DDX41: variants seen among roughly 807,000 people sequenced by gnomAD.
The protein encoded by DDX41 is probable ATP-dependent RNA helicase DDX41.
DDX41 carries 50 observed loss-of-function variants against 78.8 expected under a neutral mutation model. The observed-to-expected ratio is 0.63, with a 90% CI of 0.51 to 0.80. The LOEUF is 0.80. Among genes scored for constraint, DDX41 ranks in the 30% least tolerant of loss-of-function variants. The probability of loss-of-function intolerance (pLI) is 0.00; values close to 1 mark genes in which losing one functional copy is unlikely to be tolerated. For missense variants in DDX41, 633 were observed against 849.2 expected (o/e 0.75, Z 3.16); for synonymous variants, 381 against 321.5 (o/e 1.19, Z -1.98).
intron 2 of DDX41, 103 bp from the exon 3 acceptor site, chr5:177,516,550 A>G (rs780609729): frequency 3.2e-5 from 48 of 1,487,952 alleles, no homozygotes; most frequent in Non-Finnish European, 4.3e-5. Flanking sequence ...CGAGGCGCAA[A>G]GCTGCCCTAC....
At position 177,514,130 on chromosome 5, in the gene DDX41, G is replaced by A. The variant is rs894908260; in HGVS notation, c.936-283C>T. ...TCAAGCTCCAGAGGCTTTACTCTGG[G>A]CTCGCTTTCCTGGCCCACTGGCTTC... On this transcript the variant is annotated intron_variant, in intron 9 of 16. Coordinates refer to ENST00000330503, the MANE Select transcript of DDX41 (RefSeq NM_016222.4). The surrounding 1 kb of genome is among the most constrained non-coding windows in gnomAD (Gnocchi z 4.2). 3.3e-5 allele frequency: 20 copies of A among 612,308 alleles called. 1 individual carries two copies. Among genetic ancestry groups the A allele is most frequent in the South Asian group, 2.0e-4 (13 of 65,968 alleles). 37.9% of individuals were successfully genotyped at this position (612,308 alleles called of 1,614,324 possible).
chr5:177,513,914 C>T lies in DDX41; in HGVS notation c.936-67G>A. On this transcript the variant is annotated intron_variant, in intron 9 of 16. Coordinates refer to ENST00000330503, the MANE Select transcript of DDX41 (RefSeq NM_016222.4). The surrounding 1 kb of genome is among the most constrained non-coding windows in gnomAD (Gnocchi z 4.6). ...TATCACCTATCTAGAGGCAAGCAGG[C>T]ACCCTGCATCTGCTCTGCTCTCTGT... 4 of 1,486,514 alleles carry T rather than the reference C, an allele frequency of 2.7e-6. No individual in the cohort carries two copies. Among genetic ancestry groups the T allele is most frequent in the Non-Finnish European group, 3.7e-6 (4 of 1,071,200 alleles). The allele number at this position is 1,486,514 out of a possible 1,614,324, so 92.1% of individuals were successfully genotyped here. A position where few individuals can be genotyped will look rare whatever the true frequency, so the allele number is the denominator to read the frequency against.
intron 4 of DDX41, 26 bp from the exon 5 acceptor site, chr5:177,516,015 C>T (rs1333376989): frequency 1.9e-6 from 3 of 1,614,078 alleles, no homozygotes; most frequent in African/African-American, 2.7e-5. Flanking sequence ...TGGCTCAGGG[C>T]TGGCTCCTGC....
Position 177,516,132 on chromosome 5 carries a change from A to G in DDX41, c.360T>C (p.Val120=). ...LKEEEKILES[V]AEGRALMSVK... ...CTACAACCATACCTCGGCCCTCGGC[A>G]ACACTCTCCAGGATCTTCTCTTCTT... Residue 120 remains valine (V), a synonymous_variant, in exon 4 of 17, where the codon GTT becomes GTC. Coordinates refer to ENST00000330503, the MANE Select transcript of DDX41 (RefSeq NM_016222.4). 1 of 1,614,014 alleles carries G rather than the reference A, an allele frequency of 6.2e-7. No homozygotes were observed. Among genetic ancestry groups the G allele is most frequent in the Non-Finnish European group, 8.5e-7 (1 of 1,180,030 alleles).
intron 1 of DDX41, 37 bp downstream of exon 1, chr5:177,516,882 C>T: frequency 1.2e-6 from 2 of 1,613,364 alleles, no homozygotes; most frequent in Non-Finnish European, 8.5e-7. Context: ...CTCTTCACGC[C>T]CGCTCCCACA....
In DDX41 at chr5:177,513,792, T is replaced by C; in HGVS notation, c.991A>G (p.Lys331Glu). The change falls in exon 10 of 17, where the codon AAG becomes GAG. Residue 331 changes from lysine (K) to glutamate (E), a missense_variant. By Grantham distance (56) the Lys-to-Glu change is moderately conservative. Coordinates refer to ENST00000330503, the MANE Select transcript of DDX41 (RefSeq NM_016222.4). This position sits in a 1 kb window ranked among gnomAD's most constrained non-coding sequence, Gnocchi z 4.6. ...PGRLMDLLQKKMVSLDICRYL... is the reference protein window; with the variant it reads ...PGRLMDLLQKEMVSLDICRYL... ...CGACAGATGTCTAGGCTGACCATCT[T>C]CTTCTGCAGCAAATCCATGAGGCGC... 1.2e-6 allele frequency: 2 copies of C among 1,613,802 alleles called. No individual in the cohort carries two copies. Among genetic ancestry groups the C allele is most frequent in the Non-Finnish European group, 1.7e-6 (2 of 1,180,010 alleles).
rs770220016 is a variant in DDX41 at position 177,511,828 on chromosome 5, C to T, written c.1832G>A (p.Arg611His). 9.3e-6 allele frequency: 15 copies of T among 1,614,016 alleles called. No individual in the cohort carries two copies. In the South Asian group the frequency reaches 1.1e-4, roughly 12 times the overall value. Residue 611 changes from arginine (R) to histidine (H), a missense_variant, in exon 17 of 17, where the codon CGC becomes CAC. By Grantham distance (29) the Arg-to-His change is conservative. Transcript: ENST00000330503. ...GGAGCTGTGGGCCAGGTAGTCCTTG[C>T]GACCGATGTTGCTGACCTGCTTGGT... ...MQTKQVSNIGRKDYLAHSSMD... is the reference protein window; with the variant it reads ...MQTKQVSNIGHKDYLAHSSMD...
rs1760954320 is a variant in DDX41, at chr5:177,511,769, G to A, written c.*22C>T. ...CAGTCTTGGGGACTGAGGCCTCTTG[G>A]AGAGAAGGGAAGACTGTCGGCTCAG... On this transcript the variant is annotated 3_prime_UTR_variant, in exon 17 of 17. Transcript: ENST00000330503. 5.0e-6 allele frequency: 8 copies of A among 1,613,512 alleles called. No homozygotes were observed. The highest frequency in any genetic ancestry group is 3.4e-6 in the Non-Finnish European group (4 of 1,179,650).
At position 177,513,399 on chromosome 5, in the gene DDX41, G is replaced by A; in HGVS notation, c.1184C>T (p.Thr395Ile). Residue 395 changes from threonine (T) to isoleucine (I), a missense_variant, in exon 11 of 17, where the codon ACC becomes ATC. Physicochemically the swap from Thr to Ile is moderately conservative, Grantham distance 89. This residue lies in a region of DDX41 where 185 missense variants were observed against 367.4 expected (regional missense o/e 0.50). Transcript: ENST00000330503. The surrounding 1 kb of genome is among the most constrained non-coding windows in gnomAD (Gnocchi z 4.6). ...AGCCCCAGCGCGCCCCACATTGATG[G>A]TCACAGGCTTTACAAGGGCACTCTT... The part of the protein sequence containing the change: ...FAKSALVKPV[T>I]INVGRAGAAS... 1 of 1,614,154 alleles carries A rather than the reference G, an allele frequency of 6.2e-7. No homozygotes were observed. Among genetic ancestry groups the A allele is most frequent in the Non-Finnish European group, 8.5e-7 (1 of 1,180,022 alleles).
At position 177,512,488 on chromosome 5, in the gene DDX41, G is replaced by A. The variant is rs145507265; in HGVS notation, c.1549+8C>T. ...CCTAACCCATGCCCTTGGGCCCCAG[G>A]CTCTTACCATAGTTCTCAATCTCCT... On this transcript the variant is annotated splice_region_variant and intron_variant, in intron 14 of 16. Transcript: ENST00000330503. The A allele has an allele frequency of 1.9e-3, 2,996 of 1,614,086 alleles. 56 individuals are homozygous for A. The African/African-American group carries it at 0.036, about 19-fold the overall frequency.
Position 177,511,929 on chromosome 5 carries a change from T to C in DDX41, c.1733-2A>G. ...CGCAGAAGGCACAGCCGCGCTCTCC[T>C]GGGGGAATGGGGACAGGGGTCAGCC... On this transcript the variant is annotated splice_acceptor_variant, in intron 16 of 16. Transcript: ENST00000330503. LOFTEE classifies it high-confidence loss of function. 3.1e-6 allele frequency: 5 copies of C among 1,613,666 alleles called. No homozygotes were observed. The highest frequency in any genetic ancestry group is 4.2e-6 in the Non-Finnish European group (5 of 1,180,000).
At position 177,512,593 on chromosome 5, in the gene DDX41, A is replaced by G. The variant is rs758224373; in HGVS notation, c.1452T>C (p.Asp484=). 1 of 1,614,152 alleles carries G rather than the reference A, an allele frequency of 6.2e-7. No individual in the cohort carries two copies. Among genetic ancestry groups the G allele is most frequent in the Non-Finnish European group, 8.5e-7 (1 of 1,180,028 alleles). The change falls in exon 14 of 17, where the codon GAT becomes GAC. Residue 484 remains aspartate (D), a synonymous_variant. Transcript: ENST00000330503. Reference sequence around the variant, plus strand: ...AGGCAACGTCTGTGGCTACTAGGACATCCTTCTTGCCCTCCCGGAATGCCT... The same window carrying G: ...AGGCAACGTCTGTGGCTACTAGGACGTCCTTCTTGCCCTCCCGGAATGCCT... The part of the protein sequence containing the change: ...AIEAFREGKK[D]VLVATDVASK...
At position 177,512,175 on chromosome 5, in the gene DDX41, C is replaced by T; in HGVS notation, c.1653G>A (p.Leu551=). The T allele has an allele frequency of 6.2e-7, 1 of 1,613,644 alleles. No homozygotes were observed. Among genetic ancestry groups the T allele is most frequent in the South Asian group, 1.1e-5 (1 of 91,072 alleles). Residue 551 remains leucine, a synonymous_variant, in exon 16 of 17, where the codon CTG becomes CTA. Coordinates refer to ENST00000330503, the MANE Select transcript of DDX41 (RefSeq NM_016222.4). ...GCACCTTCTGCTTGGCTTCTAGCAG[C>T]AGCGCTTTGAGGTCCATCAGCACTG... ...DESVLMDLKA[L]LLEAKQKVPP...
rs895518605 is a variant in DDX41 at position 177,514,466 on chromosome 5, C to T, written c.935+235G>A. ...GGAAAAGCCTTCTCTGAGCTCCCACCTCCCAGATGTCCCCAGCAAGGTGGG... is the reference window on the plus strand; with the variant it reads ...GGAAAAGCCTTCTCTGAGCTCCCACTTCCCAGATGTCCCCAGCAAGGTGGG... On this transcript the variant is annotated intron_variant, in intron 9 of 16. Transcript: ENST00000330503. This position sits in a 1 kb window ranked among gnomAD's most constrained non-coding sequence, Gnocchi z 4.2. 1.3e-5 allele frequency among the ~76,000 whole-genome samples: 2 copies of T among 152,224 alleles called. No individual in the cohort carries two copies. The highest frequency in any genetic ancestry group is 2.4e-5 in the African/African-American group (1 of 41,452).
chr5:177,515,107 G>A, intron 7 of DDX41, 38 bp from the exon 8 acceptor site: 1 of 1,612,014 alleles, frequency 6.2e-7, no homozygotes, highest in Non-Finnish European at 8.5e-7. Flanking sequence ...AATTTCAACA[G>A]AAGATGAAGG....
In DDX41 at chr5:177,513,183, C is replaced by G. The variant is rs1761059482; in HGVS notation, c.1231-101G>C. ...TGGACCAGGAGGTGACCAGAAGCCT[C>G]TGGCCGCCAAGGGCTGGTGCCCTAA... On this transcript the variant is annotated intron_variant, in intron 11 of 16. Transcript: ENST00000330503. This position sits in a 1 kb window ranked among gnomAD's most constrained non-coding sequence, Gnocchi z 4.6. The G allele has an allele frequency of 6.5e-7, 1 of 1,527,282 alleles. No homozygotes were observed. The allele number at this position is 1,527,282 out of a possible 1,614,324, so 94.6% of individuals were successfully genotyped here. A position where few individuals can be genotyped will look rare whatever the true frequency, so the allele number is the denominator to read the frequency against.
rs924205946 is a variant in DDX41, at chr5:177,514,380, C to T, written c.935+321G>A. The T allele has an allele frequency of 1.5e-5, 7 of 467,496 alleles. No individual in the cohort carries two copies. The highest frequency in any genetic ancestry group is 8.8e-5 in the East Asian group (2 of 22,712). 29.0% of individuals were successfully genotyped at this position (467,496 alleles called of 1,614,324 possible). A position where few individuals can be genotyped will look rare whatever the true frequency, so the allele number is the denominator to read the frequency against. The stretch of plus-strand genomic sequence containing the variant: ...CTGAATGACCCTGACCTTCCTGGGC[C>T]GTCCGCCTCTGTGCTTTCAGCCTGG... On this transcript the variant is annotated intron_variant, in intron 9 of 16. Transcript: ENST00000330503. This position sits in a 1 kb window ranked among gnomAD's most constrained non-coding sequence, Gnocchi z 4.2.
At chr5:177,516,475 A>AG (rs1487618224) in intron 2 of DDX41, 28 bp from the exon 3 acceptor site, 1 of 1,611,552 alleles carries the variant, frequency 6.2e-7, no homozygotes, top group Non-Finnish European at 8.5e-7. Context: ...ATCCACAGAT[A>AG]GGATGGGCAT....
chr5:177,513,321 TG>T lies in DDX41; in HGVS notation c.1230+31del. ...ACTTGTCAGATCCAGCCCCCACAGG[TG>T]AGAGACCGCCCATCAGGAGCACCTG... On this transcript the variant is annotated intron_variant, in intron 11 of 16. Coordinates refer to ENST00000330503, the MANE Select transcript of DDX41 (RefSeq NM_016222.4). This position sits in a 1 kb window ranked among gnomAD's most constrained non-coding sequence, Gnocchi z 4.6. 1.2e-6 allele frequency: 2 copies of T among 1,613,496 alleles called. No individual in the cohort carries two copies. Among genetic ancestry groups the T allele is most frequent in the Non-Finnish European group, 1.7e-6 (2 of 1,179,876 alleles).
Sources: gnomAD v4.1 joint callset for allele counts (sites outside exome capture counted in the v4.1 genomes callset) on GRCh38, gnomAD v4.1.1 for gene constraint, gnomAD v4.1.1 regional missense constraint, Gnocchi (gnomAD v3.1) non-coding constraint, MANE v1.5 for transcripts, NCBI Gene and HGNC (gene_info 2026-07-23, HGNC 2026-07-21) for gene names.